Variants in BRINP1 observed in about 807,000 individuals in gnomAD.
BRINP1 encodes the protein BMP/retinoic acid-inducible neural-specific protein 1.
BRINP1 carries 17 observed loss-of-function variants against 72.9 expected under a neutral mutation model. That is an observed-to-expected ratio of 0.23 (90% CI 0.16 to 0.35). BRINP1 has a LOEUF of 0.35. Ranked by LOEUF, BRINP1 falls within the 10% of genes least tolerant of loss-of-function variation. The pLI is 1.00. For synonymous variants in BRINP1, 418 were observed against 378.5 expected (o/e 1.10, Z -1.21); for missense variants, 850 against 1,001.6 (o/e 0.85, Z 2.04).
chr9:119,349,434 G>A (rs1831481451), intron 1 of BRINP1, among the ~76,000 whole-genome samples: 1 of 152,198 alleles, frequency 6.6e-6, no homozygotes, highest in South Asian at 2.1e-4. Flanking sequence ...TCAGCTCTTG[G>A]AGAGAAGCCG....
At chr9:119,248,117 C>A (rs1023708493) in intron 3 of BRINP1, among the ~76,000 whole-genome samples, 3 of 152,142 alleles carry the variant, frequency 2.0e-5, no homozygotes, top group African/African-American at 7.2e-5. Flanking sequence ...GGAGAAGATC[C>A]CCTGTTATAA....
At chr9:119,345,330 T>G (rs1020344576) in intron 1 of BRINP1, among the ~76,000 whole-genome samples, 1 of 152,144 alleles carries the variant, frequency 6.6e-6, no homozygotes, top group Non-Finnish European at 1.5e-5. Context: ...ACAAATTTCT[T>G]GGGAGAAAAA....
In BRINP1 at chr9:119,312,997, T is replaced by A. The variant is rs942713116; in HGVS notation, c.218+141A>T. The A allele has an allele frequency of 1.2e-5, 11 of 938,496 alleles. No homozygotes were observed. In the Admixed American group the frequency reaches 1.5e-4, roughly 13 times the overall value. 58.1% of individuals were successfully genotyped at this position (938,496 alleles called of 1,614,324 possible). A position where few individuals can be genotyped will look rare whatever the true frequency, so the allele number is the denominator to read the frequency against. ...ATCTCTTGTGCAAAGAAAAAAAAAA[T>A]TAATCAAAAACAGCTTGTGGAAGGA... On this transcript the variant is annotated intron_variant, in intron 2 of 7. Coordinates refer to ENST00000265922, the MANE Select transcript of BRINP1 (RefSeq NM_014618.3).
chr9:119,339,735 C>G (rs1831388600), intron 1 of BRINP1, among the ~76,000 whole-genome samples: 1 of 152,170 alleles, frequency 6.6e-6, no homozygotes, highest in African/African-American at 2.4e-5. Context: ...ATTCACCCAC[C>G]GTCACACAAC....
At chr9:119,335,335 T>A (rs1209052336) in intron 1 of BRINP1, among the ~76,000 whole-genome samples, 3 of 152,172 alleles carry the variant, frequency 2.0e-5, no homozygotes, top group Non-Finnish European at 4.4e-5. Flanking sequence ...GCTCATCCCA[T>A]CCACAGACCT....
At chr9:119,358,215 T>G (rs1462516186) in intron 1 of BRINP1, among the ~76,000 whole-genome samples, 2 of 151,942 alleles carry the variant, frequency 1.3e-5, no homozygotes, top group African/African-American at 4.8e-5. Flanking sequence ...ATAAACACAG[T>G]TCACACAAGA....
chr9:119,199,182 T>A (rs1197776685), intron 7 of BRINP1, among the ~76,000 whole-genome samples: 2 of 152,122 alleles, frequency 1.3e-5, no homozygotes, highest in Non-Finnish European at 2.9e-5. Flanking sequence ...ACTGTCAGTC[T>A]AATAAACTGA....
intron 2 of BRINP1, 71 bp downstream of exon 2, chr9:119,313,067 C>T (rs1278089867): frequency 3.3e-6 from 5 of 1,516,016 alleles, no homozygotes; most frequent in African/African-American, 1.4e-5. Context: ...GCAAGGTTTG[C>T]ACCAATCAAC....
In BRINP1 at chr9:119,183,925, C is replaced by T. The variant is rs72759768; in HGVS notation, c.1146-15701G>A. Among the ~76,000 whole-genome samples the T allele has an allele frequency of 4.4e-3, 676 of 152,096 alleles. 1 individual carries two copies. The highest frequency in any genetic ancestry group is 7.6e-3 in the Non-Finnish European group (515 of 68,000). On this transcript the variant is annotated intron_variant, in intron 7 of 7. Transcript: ENST00000265922. Reference sequence around the variant, plus strand: ...CCCATGCGTGAGTTTGTTGGCAGGACGTGGAGGGTGGAGGTAGACAGGAGA... The same window carrying T: ...CCCATGCGTGAGTTTGTTGGCAGGATGTGGAGGGTGGAGGTAGACAGGAGA...
intron 7 of BRINP1, among the ~76,000 whole-genome samples, chr9:119,168,917 A>G (rs1024046024): frequency 2.0e-5 from 3 of 152,200 alleles, no homozygotes. Flanking sequence ...TGTGGAAGAC[A>G]GTGTGGCGAT....
intron 2 of BRINP1, among the ~76,000 whole-genome samples, chr9:119,312,200 T>C (rs915092916): frequency 1.3e-5 from 2 of 152,206 alleles, no homozygotes; most frequent in African/African-American, 4.8e-5. Context: ...GACACCACCA[T>C]GTGATATTAT....
At chr9:119,343,588 T>C (rs1831424321) in intron 1 of BRINP1, among the ~76,000 whole-genome samples, 1 of 152,176 alleles carries the variant, frequency 6.6e-6, no homozygotes, top group Non-Finnish European at 1.5e-5. Flanking sequence ...TCTTTCTACA[T>C]TTAATACCTT....
rs560788006 is a variant in BRINP1, at chr9:119,211,623, G to A, written c.922+2296C>T. Among the ~76,000 whole-genome samples, 9 of 152,346 alleles carry A rather than the reference G, an allele frequency of 5.9e-5. No individual in the cohort carries two copies. The East Asian group carries it at 1.5e-3, about 26-fold the overall frequency. On this transcript the variant is annotated intron_variant, in intron 6 of 7. Transcript: ENST00000265922. ...ACTCTGGAGCCATCAAGGAACCAAT[G>A]GCTTTTACTTTGGGCTGGTCATTAA...
At chr9:119,243,378 T>C (rs1830278342) in intron 3 of BRINP1, among the ~76,000 whole-genome samples, 1 of 152,188 alleles carries the variant, frequency 6.6e-6, no homozygotes, top group African/African-American at 2.4e-5. Context: ...GCAAAGGATA[T>C]GATCTCATTC....
chr9:119,240,890 T>G (rs895169950), intron 4 of BRINP1, among the ~76,000 whole-genome samples: 2 of 152,142 alleles, frequency 1.3e-5, no homozygotes, highest in African/African-American at 4.8e-5. Context: ...TGCATTTTCT[T>G]TAGAAGAAAT....
rs1031177583 is a variant in BRINP1 at position 119,369,218 on chromosome 9, C to T, written c.-213G>A. On this transcript the variant is annotated 5_prime_UTR_variant, in exon 1 of 8. Coordinates refer to ENST00000265922, the MANE Select transcript of BRINP1 (RefSeq NM_014618.3). ...TCCTAGCAGCCTGGCTCATACTCAG[C>T]CGTAAAGTCCCCTTCGCTGGTCCCG... 7.5e-6 allele frequency: 3 copies of T among 398,558 alleles called. No homozygotes were observed. The highest frequency in any genetic ancestry group is 6.2e-5 in the African/African-American group (3 of 48,648). The allele number at this position is 398,558 out of a possible 1,614,324, so 24.7% of individuals were successfully genotyped here. A position where few individuals can be genotyped will look rare whatever the true frequency, so the allele number is the denominator to read the frequency against.
chr9:119,185,378 C>CTTGA (rs1301182983), intron 7 of BRINP1, among the ~76,000 whole-genome samples: 1 of 152,174 alleles, frequency 6.6e-6, no homozygotes, highest in Non-Finnish European at 1.5e-5. Context: ...AAACAACAAT[C>CTTGA]TTGATTGACT....
intron 2 of BRINP1, among the ~76,000 whole-genome samples, chr9:119,272,760 C>T (rs17534): frequency 0.64 from 97,777 of 152,094 alleles, 32,561 homozygotes; most frequent in East Asian, 0.91. Flanking sequence ...GCAGCCACAT[C>T]GCAGAGACTG....
At chr9:119,295,765 G>T (rs1280208045) in intron 2 of BRINP1, among the ~76,000 whole-genome samples, 2 of 152,006 alleles carry the variant, frequency 1.3e-5, no homozygotes, top group Admixed American at 6.5e-5. Context: ...CTTCAACAAG[G>T]GTTCCAACCA....
Sources: gnomAD v4.1 joint callset for allele counts (sites outside exome capture counted in the v4.1 genomes callset) on GRCh38, gnomAD v4.1.1 for gene constraint, MANE v1.5 for transcripts, NCBI Gene and HGNC (gene_info 2026-07-23, HGNC 2026-07-21) for gene names.